Variants in CERS3 observed in about 807,000 individuals in gnomAD.
CERS3 encodes the protein LAG1 homolog, ceramide synthase 3.
In CERS3, 33 loss-of-function variants were observed where a neutral mutation model predicts 50.3. The observed-to-expected ratio is 0.66, with a 90% CI of 0.50 to 0.88. CERS3 has a LOEUF of 0.88. CERS3 is among the 40% of genes least tolerant of loss of function. CERS3 has a pLI of 0.00. For synonymous variants in CERS3, 176 were observed against 155.2 expected (o/e 1.13, Z -0.99); for missense variants, 470 against 460.3 (o/e 1.02, Z -0.19).
chr15:100,538,324 G>A (rs1347433184), intron 1 of CERS3, among the ~76,000 whole-genome samples: 1 of 152,166 alleles, frequency 6.6e-6, no homozygotes, highest in Non-Finnish European at 1.5e-5. Flanking sequence ...GCCCCAGTGG[G>A]AATTCTGTGT....
At chr15:100,484,473 G>C in intron 5 of CERS3, 77 bp downstream of exon 5, 1 of 996,376 alleles carries the variant, frequency 1.0e-6, no homozygotes, top group Non-Finnish European at 1.6e-6. Context: ...TGCTGCTCCG[G>C]CAGTATTCTC....
chr15:100,419,900 A>G (rs989599444), intron 11 of CERS3, among the ~76,000 whole-genome samples: 101 of 150,484 alleles, frequency 6.7e-4, no homozygotes, highest in Non-Finnish European at 1.3e-3. Context: ...CAAAGACACA[A>G]CATACCAGAA....
chr15:100,532,430 G>A (rs1180686011), upstream of CERS3, among the ~76,000 whole-genome samples: 1 of 151,970 alleles, frequency 6.6e-6, no homozygotes, highest in African/African-American at 2.4e-5. Flanking sequence ...TTTCATAGAC[G>A]TTTCAAATGC....
chr15:100,518,811 G>A (rs2036564129), intron 2 of CERS3, among the ~76,000 whole-genome samples: 1 of 152,200 alleles, frequency 6.6e-6, no homozygotes, highest in African/African-American at 2.4e-5. Context: ...GGGTCAATGT[G>A]TTCCTAAGCC....
At position 100,535,785 on chromosome 15, in the gene CERS3, TGGGGACATCCCTATGCTCATATGTGCAC is replaced by T. The variant is rs1215849037; in HGVS notation, c.-354-6738_-354-6711del. On this transcript the variant is annotated intron_variant, in intron 1 of 12. Coordinates refer to the CERS3 transcript ENST00000284382. ...CCTATGTTCATATGTGCACGGGAAG[TGGGGACATCCCTATGCTCATATGTGCAC>T]GGGAAGTGGGGACATCCCTATGCTC... Among the ~76,000 whole-genome samples, 908 of 129,290 alleles carry T rather than the reference TGGGGACATCCCTATGCTCATATGTGCAC, an allele frequency of 7.0e-3. 60 individuals carry two copies. The highest frequency in any genetic ancestry group is 0.023 in the South Asian group (82 of 3,558). The allele number at this position is 129,290 out of a possible 152,430, so 84.8% of individuals were successfully genotyped here.
chr15:100,490,959 T>A, intron 3 of CERS3, 28 bp from the exon 4 acceptor site: 1 of 1,354,750 alleles, frequency 7.4e-7, no homozygotes, highest in Non-Finnish European at 1.0e-6. Context: ...GAAAAAAAGT[T>A]CAAAATCTAA....
intron 8 of CERS3, among the ~76,000 whole-genome samples, chr15:100,475,131 T>G (rs1413398474): frequency 6.6e-6 from 1 of 152,194 alleles, no homozygotes; most frequent in African/African-American, 2.4e-5. Context: ...ACCAATTAAA[T>G]TTTGATGTAT....
chr15:100,443,284 C>T (rs1289312137), intron 11 of CERS3, among the ~76,000 whole-genome samples: 1 of 151,572 alleles, frequency 6.6e-6, no homozygotes, highest in African/African-American at 2.4e-5. Flanking sequence ...GCCAATATCC[C>T]ATCCCACAGC....
In CERS3 at chr15:100,400,654, A is replaced by G. The variant is rs763599493; in HGVS notation, c.*2059T>C. The stretch of plus-strand genomic sequence containing the variant: ...TCAATTTTACCTTCAACATTCAAAT[A>G]AGAAAAAAAACTGGAGATAGAGGTA... On this transcript the variant is annotated 3_prime_UTR_variant, in exon 12 of 12. Transcript: ENST00000679737. The G allele has an allele frequency of 6.6e-6, 1 of 152,180 alleles. No individual in the cohort carries two copies. Among genetic ancestry groups the G allele is most frequent in the Non-Finnish European group, 1.5e-5 (1 of 68,028 alleles). 9.4% of individuals were successfully genotyped at this position (152,180 alleles called of 1,614,324 possible).
intron 5 of CERS3, among the ~76,000 whole-genome samples, chr15:100,483,787 A>ATTT (rs10622678): frequency 1.3e-4 from 13 of 100,036 alleles, no homozygotes; most frequent in African/African-American, 2.3e-4. Context: ...TATTATTATT[A>ATTT]TTTTTTTTTT....
Position 100,402,860 on chromosome 15 carries a change from G to A in CERS3, c.1005C>T (p.Ile335=). The A allele has an allele frequency of 1.3e-6, 2 of 1,592,220 alleles. No individual in the cohort carries two copies. The highest frequency in any genetic ancestry group is 8.6e-7 in the Non-Finnish European group (1 of 1,167,682). The change falls in exon 12 of 12, where the codon ATC becomes ATT. Residue 335 remains isoleucine, a synonymous_variant. Transcript: ENST00000679737. ...CCTCGTCATCACTCCTCACATCCTGGATGCTCTAGACAAAGGAAAGAATTG... is the reference window on the plus strand; with the variant it reads ...CCTCGTCATCACTCCTCACATCCTGAATGCTCTAGACAAAGGAAAGAATTG... ...MLNRCIFMKS[I]QDVRSDDEDY...
At chr15:100,463,241 C>G (rs1341697555) in intron 10 of CERS3, among the ~76,000 whole-genome samples, 1 of 151,740 alleles carries the variant, frequency 6.6e-6, no homozygotes, top group African/African-American at 2.4e-5. Context: ...TCGAGACCAT[C>G]CTGGCCAACA....
chr15:100,506,475 CCACACA>C (rs1278008869), intron 2 of CERS3, among the ~76,000 whole-genome samples: 2 of 114,204 alleles, frequency 1.8e-5, no homozygotes, highest in African/African-American at 3.0e-5. Context: ...CCCCGCCGCC[CCACACA>C]CACACACACC....
chr15:100,524,008 C>T (rs969999222), intron 1 of CERS3, among the ~76,000 whole-genome samples: 2 of 152,074 alleles, frequency 1.3e-5, no homozygotes, highest in Admixed American at 6.5e-5. Flanking sequence ...CTGTCCTTTC[C>T]TGTAGTACCA....
At chr15:100,482,552 A>G (rs1188188254) in intron 5 of CERS3, among the ~76,000 whole-genome samples, 1 of 152,114 alleles carries the variant, frequency 6.6e-6, no homozygotes, top group Non-Finnish European at 1.5e-5. Flanking sequence ...TGCTAGGTGG[A>G]AATCTGTATT....
intron 11 of CERS3, among the ~76,000 whole-genome samples, chr15:100,449,426 A>C (rs2142177768): frequency 6.6e-6 from 1 of 152,304 alleles, no homozygotes; most frequent in East Asian, 1.9e-4. Flanking sequence ...CACTGTTGGC[A>C]CCTGGGAAAG....
intron 3 of CERS3, among the ~76,000 whole-genome samples, chr15:100,492,585 AT>A (rs1194400231): frequency 6.6e-6 from 1 of 152,138 alleles, no homozygotes; most frequent in Admixed American, 6.5e-5. Context: ...CATTCAACCT[AT>A]TTGTGTCTTT....
chr15:100,471,551 T>C (rs1360260306), intron 9 of CERS3, among the ~76,000 whole-genome samples: 1 of 152,132 alleles, frequency 6.6e-6, no homozygotes, highest in Non-Finnish European at 1.5e-5. Context: ...CAGAGTCGTA[T>C]AAAATTCTTA....
chr15:100,537,326 T>C (rs79718848), intron 1 of CERS3, among the ~76,000 whole-genome samples: 9,087 of 152,314 alleles, frequency 0.06, 392 homozygotes, highest in Non-Finnish European at 0.097. Flanking sequence ...CAGAGGGCAT[T>C]AGAGAAATGT....
Sources: gnomAD v4.1 joint callset for allele counts (sites outside exome capture counted in the v4.1 genomes callset) on GRCh38, gnomAD v4.1.1 for gene constraint, MANE v1.5 for transcripts, NCBI Gene and HGNC (gene_info 2026-07-23, HGNC 2026-07-21) for gene names.